DNAH5: variants seen among roughly 807,000 people sequenced by gnomAD.
DNAH5 encodes the protein dynein axonemal heavy chain 5.
Under a neutral mutation model 518.2 loss-of-function variants are expected in DNAH5, and 372 were observed. That is an observed-to-expected ratio of 0.72 (90% CI 0.66 to 0.78). The LOEUF (loss-of-function observed/expected upper bound fraction) is 0.78. DNAH5 is among the 30% of genes least tolerant of loss of function. DNAH5 has a pLI of 0.00. For synonymous variants in DNAH5, 2,039 were observed against 2,025.9 expected, an observed-to-expected ratio of 1.01 and a Z score of -0.17; for missense variants, 5,523 against 5,687.0, an observed-to-expected ratio of 0.97 and a Z score of 0.93.
In DNAH5 at chr5:13,786,343, A is replaced by T. The variant is rs1408628950; in HGVS notation, c.8656T>A (p.Ser2886Thr). ...RDAPEAAGET[S>T]EEADAETPKI... ...GGTGTTTCAGCATCAGCCTCTTCAG[A>T]TGTTTCACCTTTGGTGGGAAATAAG... Residue 2886 changes from serine to threonine, a missense_variant, in exon 52 of 79, where the codon TCT (serine) becomes ACT (threonine). Physicochemically the swap from Ser to Thr is moderately conservative, Grantham distance 58. This residue lies in a region of DNAH5 where 5,121 missense variants were observed against 5,223.3 expected (regional missense o/e 0.98). Coordinates refer to ENST00000265104, the MANE Select transcript of DNAH5 (RefSeq NM_001369.3). 5 of 1,614,056 alleles carry T rather than the reference A, an allele frequency of 3.1e-6. No individual in the cohort carries two copies. The East Asian group carries it at 1.1e-4, about 36-fold the overall frequency.
intron 1 of DNAH5, among the ~76,000 whole-genome samples, chr5:13,972,656 TCA>T (rs1781957366): frequency 6.6e-6 from 1 of 152,164 alleles, no homozygotes; most frequent in Admixed American, 6.5e-5. Context: ...TTTCCCCCTC[TCA>T]CACTTTGGGC....
At chr5:13,878,907 T>C (rs1216083440) in intron 21 of DNAH5, among the ~76,000 whole-genome samples, 1 of 152,190 alleles carries the variant, frequency 6.6e-6, no homozygotes, top group Non-Finnish European at 1.5e-5. Flanking sequence ...GGAGCATGCA[T>C]TCAACACTCC....
intron 72 of DNAH5, 25 bp from the exon 73 acceptor site, chr5:13,717,545 A>G (rs186878182): frequency 8.3e-5 from 131 of 1,569,562 alleles, no homozygotes; most frequent in Non-Finnish European, 1.1e-4. Context: ...TGGGTGAAAA[A>G]TGTATCATCT....
intron 17 of DNAH5, 61 bp downstream of exon 17, chr5:13,890,915 A>T: frequency 6.3e-7 from 1 of 1,593,428 alleles, no homozygotes; most frequent in Non-Finnish European, 8.6e-7. Context: ...CAAAAAAGTG[A>T]CCTTTATAGG....
intron 53 of DNAH5, among the ~76,000 whole-genome samples, chr5:13,778,703 A>AT (rs1754626925): frequency 6.6e-6 from 1 of 152,212 alleles, no homozygotes; most frequent in Non-Finnish European, 1.5e-5. Context: ...TCAAGGGCCC[A>AT]TTGCCTCAAA....
intron 1 of DNAH5, among the ~76,000 whole-genome samples, chr5:14,010,350 G>A (rs1023021058): frequency 3.3e-5 from 5 of 152,118 alleles, no homozygotes; most frequent in South Asian, 4.1e-4. Context: ...AGAGCATAGC[G>A]CTGAAACCTG....
chr5:13,967,705 C>T (rs1308407308), intron 1 of DNAH5, among the ~76,000 whole-genome samples: 1 of 151,754 alleles, frequency 6.6e-6, no homozygotes, highest in African/African-American at 2.4e-5. Flanking sequence ...ATGAATTTTA[C>T]GATTGCTTTT....
upstream of DNAH5, among the ~76,000 whole-genome samples, chr5:13,947,204 A>G (rs903817610): frequency 5.3e-5 from 8 of 152,210 alleles, no homozygotes; most frequent in Admixed American, 2.0e-4. Flanking sequence ...TATAAGCTTT[A>G]TGTGGACATA....
Position 13,751,066 on chromosome 5 carries a change from C to T in DNAH5, c.11211+12G>A. The T allele has an allele frequency of 6.2e-7, 1 of 1,613,694 alleles. No homozygotes were observed. The highest frequency in any genetic ancestry group is 2.2e-5 in the East Asian group (1 of 44,852). On this transcript the variant is annotated intron_variant, in intron 65 of 78. Transcript: ENST00000265104. ...AGCAATGCAGAATGGGAGGGAGCCA[C>T]ACTTCACTCACCTGCTTCTCTGTGA...
intron 1 of DNAH5, among the ~76,000 whole-genome samples, chr5:13,990,904 A>G (rs1270499326): frequency 2.0e-5 from 3 of 152,204 alleles, no homozygotes; most frequent in Non-Finnish European, 4.4e-5. Flanking sequence ...AACCAGAAAA[A>G]AGATAACATT....
rs903568959 is a variant in DNAH5, at chr5:13,762,813, T to C, written c.10190A>G (p.Lys3397Arg). 4 of 1,614,120 alleles carry C rather than the reference T, an allele frequency of 2.5e-6. No individual in the cohort carries two copies. Among genetic ancestry groups the C allele is most frequent in the Admixed American group, 3.3e-5 (2 of 60,026 alleles). Residue 3397 changes from lysine to arginine, a missense_variant, in exon 60 of 79, where the codon AAA (lysine) becomes AGA (arginine). Around this residue, in one of 3 missense-constraint regions of DNAH5, gnomAD observed 5,121 missense variants for 5,223.3 expected, o/e 0.98. Coordinates refer to ENST00000265104, the MANE Select transcript of DNAH5 (RefSeq NM_001369.3). ...ACCAGCTACATTTCCACATACGCGT[T>C]TAGCAGTTTCGATGTTATAGTCAGG... ...EMPDYNIETA[K>R]RVCGNVAGLC... is the part of the protein sequence containing the mutation.
At chr5:14,000,959 A>G (rs919509034) in intron 1 of DNAH5, among the ~76,000 whole-genome samples, 1 of 152,236 alleles carries the variant, frequency 6.6e-6, no homozygotes, top group Non-Finnish European at 1.5e-5. Context: ...AATACTACAT[A>G]GCCATTAAAA....
At chr5:13,888,159 T>C (rs1281002682) in intron 17 of DNAH5, among the ~76,000 whole-genome samples, 1 of 152,190 alleles carries the variant, frequency 6.6e-6, no homozygotes, top group East Asian at 1.9e-4. Context: ...TTTTGGTGAA[T>C]GCAATCATTC....
chr5:13,841,918 C>CAAAAAAAAAAAAAAAAAAAAACAAA lies in DNAH5; in HGVS notation c.5272-15_5272-14insTTTGTTTTTTTTTTTTTTTTTTTTT. 3.4e-6 allele frequency: 2 copies of CAAAAAAAAAAAAAAAAAAAAACAAA among 591,132 alleles called. No homozygotes were observed. The highest frequency in any genetic ancestry group is 3.6e-5 in the Admixed American group (1 of 27,734). 36.6% of individuals were successfully genotyped at this position (591,132 alleles called of 1,614,324 possible). On this transcript the variant is annotated splice_polypyrimidine_tract_variant and intron_variant, in intron 32 of 78. Coordinates refer to ENST00000265104, the MANE Select transcript of DNAH5 (RefSeq NM_001369.3). ...TCGATCATAGATCTATGTTAGAAACCAAAAAAAAAAAAAAAAAAAGCTATA... is the reference window on the plus strand; with the variant it reads ...TCGATCATAGATCTATGTTAGAAACCAAAAAAAAAAAAAAAAAAAAACAAAAAAAAAAAAAAAAAAAAAAGCTATA...
intron 47 of DNAH5, among the ~76,000 whole-genome samples, chr5:13,794,360 C>T (rs1284525310): frequency 6.6e-6 from 1 of 152,176 alleles, no homozygotes; most frequent in Non-Finnish European, 1.5e-5. Context: ...CTGTTGGTGA[C>T]ACTATGTTCC....
rs1271017777 is a variant in DNAH5 at position 13,788,853 on chromosome 5, G to A, written c.8510C>T (p.Ser2837Phe). Reference sequence around the variant, plus strand: ...CTTATCAAACCAGGTCACATCACTGGACACTGTGAAACGGTCAGCTATAAC... The same window carrying A: ...CTTATCAAACCAGGTCACATCACTGAACACTGTGAAACGGTCAGCTATAAC... ...KRVIADRFTVSSDVTWFDKAL... is the reference protein window; with the variant it reads ...KRVIADRFTVFSDVTWFDKAL... The change falls in exon 51 of 79, where the codon TCC becomes TTC. Residue 2837 changes from serine to phenylalanine, a missense_variant. By Grantham distance (155) the Ser-to-Phe change is radical. Coordinates refer to ENST00000265104, the MANE Select transcript of DNAH5 (RefSeq NM_001369.3). The A allele has an allele frequency of 5.0e-6, 8 of 1,613,966 alleles. No individual in the cohort carries two copies. The South Asian group carries it at 8.8e-5, about 18-fold the overall frequency.
chr5:13,912,203 G>A (rs1580856648), intron 11 of DNAH5, among the ~76,000 whole-genome samples: 1 of 152,220 alleles, frequency 6.6e-6, no homozygotes, highest in East Asian at 1.9e-4. Flanking sequence ...TGCCCACACT[G>A]TTGACAGAAG....
chr5:13,851,870 G>A (rs1176691517), intron 30 of DNAH5, among the ~76,000 whole-genome samples: 1 of 151,990 alleles, frequency 6.6e-6, no homozygotes, highest in African/African-American at 2.4e-5. Context: ...TCCAGCTGAG[G>A]TACCTGGCTC....
At chr5:13,706,433 T>C (rs1469691979) in intron 76 of DNAH5, among the ~76,000 whole-genome samples, 1 of 152,146 alleles carries the variant, frequency 6.6e-6, no homozygotes. Flanking sequence ...AGGAGTCAGA[T>C]GGAAAGGAAG....
Sources: gnomAD v4.1 joint callset for allele counts (sites outside exome capture counted in the v4.1 genomes callset) on GRCh38, gnomAD v4.1.1 for gene constraint, gnomAD v4.1.1 regional missense constraint, MANE v1.5 for transcripts, NCBI Gene and HGNC (gene_info 2026-07-23, HGNC 2026-07-21) for gene names.